The following TUFT1 variants were observed in gnomAD, a reference collection of about 807,000 sequenced individuals.
TUFT1 encodes tuftelin.
A neutral mutation model predicts 57.8 loss-of-function variants in TUFT1; 43 were observed. That is an observed-to-expected ratio of 0.74 (90% CI 0.58 to 0.96). The LOEUF (loss-of-function observed/expected upper bound fraction) is 0.96, where lower values mean the gene tolerates loss of function less well. Ranked by LOEUF, TUFT1 falls within the 40% of genes least tolerant of loss-of-function variation. TUFT1 has a pLI of 0.00. For synonymous variants in TUFT1, 166 were observed against 176.7 expected (o/e 0.94, Z 0.48); for missense variants, 459 against 489.0 (o/e 0.94, Z 0.58).
chr1:151,567,252 C>A (rs1183680270), intron 6 of TUFT1, among the ~76,000 whole-genome samples: 2 of 152,074 alleles, frequency 1.3e-5, no homozygotes, highest in Non-Finnish European at 2.9e-5. Flanking sequence ...CTCCCTATGT[C>A]ATCTGAGCTG....
intron 6 of TUFT1, among the ~76,000 whole-genome samples, 196 bp downstream of exon 6, chr1:151,566,424 T>C (rs1666083334): frequency 6.6e-6 from 1 of 152,190 alleles, no homozygotes. Flanking sequence ...CTTGCGAGTA[T>C]CCACTGTTAA....
At chr1:151,551,777 A>G (rs989605833) in intron 1 of TUFT1, among the ~76,000 whole-genome samples, 2 of 152,202 alleles carry the variant, frequency 1.3e-5, no homozygotes, top group African/African-American at 4.8e-5. Flanking sequence ...TTTATGTGGT[A>G]TAAACTGTGA....
chr1:151,570,846 A>T (rs1423357542), intron 7 of TUFT1, among the ~76,000 whole-genome samples: 1 of 152,098 alleles, frequency 6.6e-6, no homozygotes, highest in Admixed American at 6.5e-5. Flanking sequence ...AGCTGGGACA[A>T]CAGGTGCACA....
chr1:151,555,647 G>A (rs1268569442), intron 1 of TUFT1, among the ~76,000 whole-genome samples: 2 of 151,374 alleles, frequency 1.3e-5, no homozygotes, highest in Admixed American at 1.3e-4. Context: ...CGTTGTGGTG[G>A]GTGCCTATAG....
chr1:151,578,636 A>G, intron 9 of TUFT1, 85 bp from the exon 10 acceptor site: 10 of 1,191,098 alleles, frequency 8.4e-6, no homozygotes, highest in Non-Finnish European at 1.1e-5. Context: ...ATTAATGGGA[A>G]CCTCCCAAGC....
intron 1 of TUFT1, among the ~76,000 whole-genome samples, chr1:151,556,955 C>T (rs935690559): frequency 6.6e-6 from 1 of 152,156 alleles, no homozygotes; most frequent in Non-Finnish European, 1.5e-5. Flanking sequence ...GCCTGGGTGA[C>T]AGAAACAGAA....
chr1:151,578,336 G>C (rs527358334), intron 9 of TUFT1, among the ~76,000 whole-genome samples: 2 of 151,594 alleles, frequency 1.3e-5, no homozygotes, highest in Non-Finnish European at 2.9e-5. Context: ...GTGAGACAAA[G>C]TCTTGCTCTG....
chr1:151,543,299 G>T (rs1424697225), intron 1 of TUFT1, among the ~76,000 whole-genome samples: 1 of 150,132 alleles, frequency 6.7e-6, no homozygotes, highest in African/African-American at 2.5e-5. Context: ...GACATTTTTG[G>T]TAGAACTTTT....
At chr1:151,545,084 G>A (rs773277681) in intron 1 of TUFT1, among the ~76,000 whole-genome samples, 6 of 151,988 alleles carry the variant, frequency 3.9e-5, no homozygotes, top group Admixed American at 2.6e-4. Context: ...GCTGAGGCAG[G>A]TGGATCACCT....
chr1:151,562,384 C>G, intron 2 of TUFT1: 1 of 638,252 alleles, frequency 1.6e-6, no homozygotes, highest in Non-Finnish European at 2.7e-6. Context: ...TGTCCATTCT[C>G]CCTGGCCGGT....
rs1396968001 is a variant in TUFT1, at chr1:151,582,119, G to C, written c.*412G>C. 4.3e-6 allele frequency: 2 copies of C among 470,332 alleles called. No individual in the cohort carries two copies. Among genetic ancestry groups the C allele is most frequent in the Admixed American group, 4.7e-5 (2 of 42,936 alleles). 29.1% of individuals were successfully genotyped at this position (470,332 alleles called of 1,614,324 possible). A position where few individuals can be genotyped will look rare whatever the true frequency, so the allele number is the denominator to read the frequency against. ...GACACAGATGTCCAGAGTGATTGGA[G>C]AATGTCCTGGGGGAATGAAGTTCCT... On this transcript the variant is annotated 3_prime_UTR_variant, in exon 13 of 13. Transcript: ENST00000368849.
intron 4 of TUFT1, 133 bp from the exon 5 acceptor site, chr1:151,564,392 C>T (rs1665996416): frequency 3.1e-6 from 2 of 654,510 alleles, no homozygotes; most frequent in East Asian, 2.7e-5. Flanking sequence ...AGGTCCCTCC[C>T]TCCATCCTGC....
At chr1:151,568,623 T>A (rs752350271) in intron 6 of TUFT1, among the ~76,000 whole-genome samples, 2 of 152,228 alleles carry the variant, frequency 1.3e-5, no homozygotes, top group Non-Finnish European at 2.9e-5. Context: ...TTAGGGAAAT[T>A]GACTGGATAA....
Position 151,581,952 on chromosome 1 carries a change from C to A in TUFT1, c.*245C>A, listed in dbSNP as rs895977936. The A allele has an allele frequency of 4.9e-6, 3 of 611,662 alleles. No individual in the cohort carries two copies. The highest frequency in any genetic ancestry group is 1.8e-5 in the South Asian group (1 of 54,490). The allele number at this position is 611,662 out of a possible 1,614,324, so 37.9% of individuals were successfully genotyped here. On this transcript the variant is annotated 3_prime_UTR_variant, in exon 13 of 13. Coordinates refer to ENST00000368849, the MANE Select transcript of TUFT1 (RefSeq NM_020127.3). ...ATTGTCCTGCAAGCAGGAGCCAGGG[C>A]AATATCTATATTCCTACAGTGACTA...
Position 151,578,836 on chromosome 1 carries a change from G to T in TUFT1, c.924+10G>T, listed in dbSNP as rs1666561413. On this transcript the variant is annotated intron_variant, in intron 10 of 12. Coordinates refer to ENST00000368849, the MANE Select transcript of TUFT1 (RefSeq NM_020127.3). Reference sequence around the variant, plus strand: ...GCAAATGATAGAGCAGGTAAGTTGGGCTGGTTTGTAACCTGCCCTCGGGGA... The same window carrying T: ...GCAAATGATAGAGCAGGTAAGTTGGTCTGGTTTGTAACCTGCCCTCGGGGA... The T allele has an allele frequency of 6.4e-7, 1 of 1,553,650 alleles. No homozygotes were observed. The highest frequency in any genetic ancestry group is 1.2e-5 in the South Asian group (1 of 84,438).
chr1:151,574,794 C>G (rs1666398600), intron 8 of TUFT1, 117 bp from the exon 9 acceptor site: 1 of 846,638 alleles, frequency 1.2e-6, no homozygotes, highest in Admixed American at 2.3e-5. Flanking sequence ...TCTTGCTGCT[C>G]TTTGGCAGCT....
Position 151,582,006 on chromosome 1 carries a change from T to C in TUFT1, c.*299T>C. On this transcript the variant is annotated 3_prime_UTR_variant, in exon 13 of 13. Transcript: ENST00000368849. ...TTCTCTGTAGAGAGCCTCCCTTCTG[T>C]TGTAGACTGGACTCTGGCTGTGCCA... The C allele has an allele frequency of 1.7e-6, 1 of 576,458 alleles. No homozygotes were observed. 35.7% of individuals were successfully genotyped at this position (576,458 alleles called of 1,614,324 possible).
chr1:151,569,666 T>A lies in TUFT1; in HGVS notation c.490T>A (p.Cys164Ser), dbSNP rs1292730677. ...CTTGTTCTGGCTGTAGGTGGACACCTGTATAAATGAGGATGTTGAGAGCTT... is the reference window on the plus strand; with the variant it reads ...CTTGTTCTGGCTGTAGGTGGACACCAGTATAAATGAGGATGTTGAGAGCTT... ...LYSSPPEVDT[C>S]INEDVESLRK... is the part of the protein sequence containing the mutation. Residue 164 changes from cysteine to serine, a missense_variant, in exon 7 of 13, where the codon TGT becomes AGT. By Grantham distance (112) the Cys-to-Ser change is moderately radical (BLOSUM62 -1). Transcript: ENST00000368849. The A allele has an allele frequency of 2.5e-6, 4 of 1,613,580 alleles. No homozygotes were observed. Among genetic ancestry groups the A allele is most frequent in the Non-Finnish European group, 3.4e-6 (4 of 1,179,636 alleles).
intron 10 of TUFT1, among the ~76,000 whole-genome samples, chr1:151,579,130 G>T (rs1666569104): frequency 6.6e-6 from 1 of 152,186 alleles, no homozygotes; most frequent in Non-Finnish European, 1.5e-5. Context: ...TCTGTTATCT[G>T]TGCAGATTAT....
Sources: gnomAD v4.1 joint callset for allele counts (sites outside exome capture counted in the v4.1 genomes callset) on GRCh38, gnomAD v4.1.1 for gene constraint, MANE v1.5 for transcripts, NCBI Gene and HGNC (gene_info 2026-07-23, HGNC 2026-07-21) for gene names.